BRI3: variants seen among roughly 807,000 people sequenced by gnomAD.
BRI3 encodes the protein brain protein I3, also known as membrane protein BRI3.
In BRI3, 6 loss-of-function variants were observed where a neutral mutation model predicts 12.8. The ratio of observed to expected loss-of-function variants is 0.47; its 90% confidence interval spans 0.26 to 0.93. The LOEUF (loss-of-function observed/expected upper bound fraction) is 0.93, where lower values mean the gene tolerates loss of function less well. Ranked by LOEUF, BRI3 falls within the 40% of genes least tolerant of loss-of-function variation. BRI3 has a pLI of 0.15. For missense variants in BRI3, 134 were observed against 171.1 expected (o/e 0.78, Z 1.21); for synonymous variants, 91 against 76.1 (o/e 1.20, Z -1.02).
At chr7:98,282,232 G>T in intron 1 of BRI3, 119 bp from the exon 2 acceptor site, 1 of 948,394 alleles carries the variant, frequency 1.1e-6, no homozygotes, top group South Asian at 1.6e-5. Flanking sequence ...CCGTCCCGAG[G>T]GTGGAAAAGA....
upstream of BRI3, among the ~76,000 whole-genome samples, chr7:98,303,815 T>TACCACTTTTAATGTA (rs1800524578): frequency 1.3e-5 from 2 of 152,204 alleles, no homozygotes; most frequent in Non-Finnish European, 2.9e-5. Flanking sequence ...AAGATGAAGT[T>TACCACTTTTAATGTA]ACCACTTTTA....
downstream of BRI3, chr7:98,291,650 T>C (rs1799961180): frequency 2.5e-6 from 1 of 398,134 alleles, no homozygotes; most frequent in South Asian, 8.4e-5. Flanking sequence ...CTCAAGAAAA[T>C]GTTTTCAAGT....
intron 1 of BRI3, among the ~76,000 whole-genome samples, chr7:98,298,568 G>C (rs1800286954): frequency 6.6e-6 from 1 of 151,960 alleles, no homozygotes; most frequent in African/African-American, 2.4e-5. Context: ...AGCCGAGATG[G>C]TGCCACTGCA....
At chr7:98,297,145 C>T (rs898565592), downstream of BRI3, among the ~76,000 whole-genome samples, 3 of 152,234 alleles carry the variant, frequency 2.0e-5, no homozygotes, top group African/African-American at 7.2e-5. Flanking sequence ...AGAGCGAGGC[C>T]ACCAAGCGGC....
downstream of BRI3, chr7:98,312,178 C>G: frequency 6.2e-7 from 1 of 1,614,058 alleles, no homozygotes; most frequent in Non-Finnish European, 8.5e-7. Flanking sequence ...TTTCTTCGAT[C>G]ATATTCATGA....
At chr7:98,290,972 G>T (rs1034681863) in intron 2 of BRI3, 139 bp from the exon 3 acceptor site, 10 of 935,972 alleles carry the variant, frequency 1.1e-5, no homozygotes, top group Non-Finnish European at 1.6e-5. Context: ...GGGGTGGGGG[G>T]CTGTTTTCTG....
At chr7:98,316,619 A>G in the BRI3 span, among the ~76,000 whole-genome samples, 3 of 152,320 alleles carry the variant, frequency 2.0e-5, no homozygotes, top group East Asian at 1.9e-4. Flanking sequence ...TATTGTTTCT[A>G]TGTGTTGGGG....
chr7:98,312,361 C>T, downstream of BRI3: 1 of 1,357,800 alleles, frequency 7.4e-7, no homozygotes. Context: ...AGATTACTGG[C>T]TTAGCACCAG....
chr7:98,294,579 G>A (rs566122153), downstream of BRI3, among the ~76,000 whole-genome samples: 38 of 152,288 alleles, frequency 2.5e-4, 1 homozygote, highest in South Asian at 7.7e-3. Flanking sequence ...GCAACAGAGC[G>A]ACATCACAGA....
chr7:98,310,501 A>C (rs370678062), downstream of BRI3: 2 of 1,607,702 alleles, frequency 1.2e-6, no homozygotes, highest in Admixed American at 1.7e-5. Flanking sequence ...GTTATTAAAC[A>C]TATCGATCAA....
chr7:98,288,051 G>C (rs1799770871), intron 2 of BRI3, among the ~76,000 whole-genome samples: 2 of 152,206 alleles, frequency 1.3e-5, no homozygotes, highest in South Asian at 2.1e-4. Flanking sequence ...ACTCTGGGGG[G>C]TGCGGGCCTC....
chr7:98,304,481 A>T, upstream of BRI3: 2 of 1,079,640 alleles, frequency 1.9e-6, no homozygotes, highest in Non-Finnish European at 2.7e-6. Flanking sequence ...GTACATCACC[A>T]ATCAAAACCT....
chr7:98,306,327 G>T, upstream of BRI3: 1 of 1,289,038 alleles, frequency 7.8e-7, no homozygotes, highest in South Asian at 1.2e-5. Flanking sequence ...ACTAGTCCAC[G>T]AGAGCTGAGG....
At chr7:98,282,044 AGCTGGAGGTCCCCG>A in intron 1 of BRI3, 107 bp downstream of exon 1, 1 of 1,303,646 alleles carries the variant, frequency 7.7e-7, no homozygotes, top group South Asian at 2.1e-5. Flanking sequence ...TCCTTCCTGG[AGCTGGAGGTCCCCG>A]GGCTGGCTTC....
At chr7:98,308,499 A>G in exon 2 of BRI3, 1 of 363,336 alleles carries the variant, frequency 2.8e-6, no homozygotes, top group Non-Finnish European at 5.4e-6. Flanking sequence ...AGGTGCTGCT[A>G]TTTATTATCC....
At chr7:98,322,038 G>A in the BRI3 span, among the ~76,000 whole-genome samples, 1 of 152,188 alleles carries the variant, frequency 6.6e-6, no homozygotes, top group East Asian at 1.9e-4. Context: ...AGAGGATGCA[G>A]TGAGCCGAGA....
At chr7:98,292,617 T>C (rs1382400499), downstream of BRI3, 1 of 1,551,340 alleles carries the variant, frequency 6.4e-7, no homozygotes, top group African/African-American at 1.4e-5. Flanking sequence ...GCTGCTAGGC[T>C]GAAAAACCCG....
At chr7:98,310,887 T>C (rs1373001995), downstream of BRI3, among the ~76,000 whole-genome samples, 21 of 151,986 alleles carry the variant, frequency 1.4e-4, no homozygotes, top group Non-Finnish European at 5.9e-5. Flanking sequence ...GGTTTCACCA[T>C]GTTAGCCAGG....
exon 2 of BRI3, chr7:98,308,245 C>T: frequency 2.0e-6 from 1 of 491,140 alleles, no homozygotes; most frequent in Non-Finnish European, 4.0e-6. Flanking sequence ...CAACGCCAAA[C>T]TGCCCTCGCA....
Sources: gnomAD v4.1 joint callset for allele counts (sites outside exome capture counted in the v4.1 genomes callset) on GRCh38, gnomAD v4.1.1 for gene constraint, MANE v1.5 for transcripts, NCBI Gene and HGNC (gene_info 2026-07-23, HGNC 2026-07-21) for gene names.